MAP3K5: variants seen among roughly 807,000 people sequenced by gnomAD.
MAP3K5 encodes ASK-1.
Under a neutral mutation model 158.7 loss-of-function variants are expected in MAP3K5, and 56 were observed. The observed-to-expected ratio is 0.35, with a 90% CI of 0.28 to 0.44. MAP3K5 has a LOEUF of 0.44. Ranked by LOEUF, MAP3K5 falls within the 20% of genes least tolerant of loss-of-function variation. The probability of loss-of-function intolerance (pLI) is 1.00; values close to 1 mark genes in which losing one functional copy is unlikely to be tolerated. For synonymous variants in MAP3K5, 579 were observed against 601.7 expected, an observed-to-expected ratio of 0.96 and a Z score of 0.55; for missense variants, 1,294 against 1,674.8, an observed-to-expected ratio of 0.77 and a Z score of 3.97.
At chr6:136,739,399 G>A (rs1782618874) in intron 1 of MAP3K5, among the ~76,000 whole-genome samples, 1 of 152,162 alleles carries the variant, frequency 6.6e-6, no homozygotes, top group Non-Finnish European at 1.5e-5. Context: ...TAACAACAAA[G>A]AGGTGTCAAT....
intron 13 of MAP3K5, among the ~76,000 whole-genome samples, chr6:136,637,609 A>G (rs1777702516): frequency 1.3e-5 from 2 of 152,146 alleles, no homozygotes; most frequent in African/African-American, 4.8e-5. Flanking sequence ...GAAATTTCTA[A>G]CCTAATGCCT....
At chr6:136,616,682 T>C (rs1776579048) in intron 15 of MAP3K5, among the ~76,000 whole-genome samples, 1 of 151,602 alleles carries the variant, frequency 6.6e-6, no homozygotes, top group South Asian at 2.1e-4. Context: ...TAAAGAAAAA[T>C]CTGAAACAAT....
chr6:136,760,214 G>C (rs1041439455), intron 1 of MAP3K5, among the ~76,000 whole-genome samples: 1 of 152,122 alleles, frequency 6.6e-6, no homozygotes, highest in Non-Finnish European at 1.5e-5. Flanking sequence ...GCTGTCTCAT[G>C]CTTAAATAGT....
chr6:136,678,788 C>T (rs188315338), intron 7 of MAP3K5, among the ~76,000 whole-genome samples: 51 of 151,526 alleles, frequency 3.4e-4, no homozygotes, highest in Non-Finnish European at 6.6e-4. Flanking sequence ...TGCAATGGCG[C>T]TATCTTGGCT....
intron 7 of MAP3K5, among the ~76,000 whole-genome samples, chr6:136,681,841 C>A (rs1779951467): frequency 6.6e-6 from 1 of 152,116 alleles, no homozygotes; most frequent in Non-Finnish European, 1.5e-5. Flanking sequence ...ATGGCGTGAA[C>A]CTGGGAGGCA....
intron 1 of MAP3K5, among the ~76,000 whole-genome samples, chr6:136,761,246 G>A (rs1299797109): frequency 6.8e-6 from 1 of 147,878 alleles, no homozygotes; most frequent in Non-Finnish European, 1.5e-5. Context: ...TATTACATGT[G>A]AGCACTACGG....
In MAP3K5 at chr6:136,773,734, G is replaced by A. The variant is rs1160352601; in HGVS notation, c.448+17976C>T. ...ACGATCTCAGCTCACTGCAGCCTCTGCCTCCTGGGTTCAAGTGATTCTCAT... is the reference window on the plus strand; with the variant it reads ...ACGATCTCAGCTCACTGCAGCCTCTACCTCCTGGGTTCAAGTGATTCTCAT... On this transcript the variant is annotated intron_variant, in intron 1 of 29. Transcript: ENST00000359015. 2.0e-5 allele frequency among the ~76,000 whole-genome samples: 3 copies of A among 152,106 alleles called. No homozygotes were observed. In the East Asian group the frequency reaches 5.8e-4, roughly 29 times the overall value.
intron 14 of MAP3K5, among the ~76,000 whole-genome samples, chr6:136,631,798 G>A (rs1254569687): frequency 6.6e-6 from 1 of 151,972 alleles, no homozygotes; most frequent in Non-Finnish European, 1.5e-5. Context: ...TCTTTTACTT[G>A]GACACCTGGC....
chr6:136,611,139 GA>G (rs761870390), intron 18 of MAP3K5, 142 bp downstream of exon 18: 29 of 171,338 alleles, frequency 1.7e-4, no homozygotes, highest in East Asian at 4.8e-4. Context: ...AAAAAAGAAA[GA>G]AAAGAAAAGA....
At chr6:136,631,169 G>T (rs749646551) in intron 14 of MAP3K5, among the ~76,000 whole-genome samples, 2 of 152,170 alleles carry the variant, frequency 1.3e-5, no homozygotes, top group Non-Finnish European at 1.5e-5. Flanking sequence ...CAGTTAATTT[G>T]CAGGCCCCTG....
At position 136,792,137 on chromosome 6, in the gene MAP3K5, C is replaced by T; in HGVS notation, c.21G>A (p.Glu7=). The part of the protein sequence containing the change: MSTEAD[E]GITFSVPPFA... ...AGGGTGGCACAGAGAAAGTGATGCCCTCGTCCGCCTCCGTGCTCATCTCTC... is the reference window on the plus strand; with the variant it reads ...AGGGTGGCACAGAGAAAGTGATGCCTTCGTCCGCCTCCGTGCTCATCTCTC... The change falls in exon 1 of 30, where the codon GAG becomes GAA. Residue 7 remains glutamate (E), a synonymous_variant. Coordinates refer to ENST00000359015, the MANE Select transcript of MAP3K5 (RefSeq NM_005923.4). This position sits in a 1 kb window ranked among gnomAD's most constrained non-coding sequence, Gnocchi z 5.7. 1 of 1,574,096 alleles carries T rather than the reference C, an allele frequency of 6.4e-7. No individual in the cohort carries two copies. The highest frequency in any genetic ancestry group is 8.6e-7 in the Non-Finnish European group (1 of 1,162,560).
chr6:136,787,727 C>A (rs1337269369), intron 1 of MAP3K5, among the ~76,000 whole-genome samples: 1 of 152,216 alleles, frequency 6.6e-6, no homozygotes, highest in Non-Finnish European at 1.5e-5. Flanking sequence ...AGAAACACCA[C>A]TGGAGGCAAT....
At chr6:136,735,441 A>T (rs770872163) in intron 1 of MAP3K5, among the ~76,000 whole-genome samples, 5 of 152,242 alleles carry the variant, frequency 3.3e-5, no homozygotes, top group Non-Finnish European at 7.3e-5. Context: ...CAAAATTTTG[A>T]AAACTGACAG....
intron 23 of MAP3K5, among the ~76,000 whole-genome samples, chr6:136,586,305 C>T (rs1399297042): frequency 6.6e-6 from 1 of 152,202 alleles, no homozygotes; most frequent in Non-Finnish European, 1.5e-5. Context: ...TCAGTTGCAA[C>T]ATGTTTGCCA....
intron 14 of MAP3K5, among the ~76,000 whole-genome samples, chr6:136,629,723 A>G (rs9494545): frequency 0.024 from 3,663 of 151,152 alleles, 153 homozygotes; most frequent in African/African-American, 0.083. Flanking sequence ...CAAAGTGCTG[A>G]GATTACAGGT....
chr6:136,598,992 G>A (rs193026872), intron 21 of MAP3K5, among the ~76,000 whole-genome samples: 97 of 152,262 alleles, frequency 6.4e-4, no homozygotes, highest in African/African-American at 1.2e-3. Context: ...CCAACATGGC[G>A]AAACCCCGTC....
chr6:136,568,595 C>T (rs966468686), intron 25 of MAP3K5, among the ~76,000 whole-genome samples: 12 of 152,172 alleles, frequency 7.9e-5, no homozygotes, highest in Non-Finnish European at 5.9e-5. Context: ...GATATTGTGG[C>T]TGGGCACAGT....
At chr6:136,689,705 T>C (rs570719771) in intron 7 of MAP3K5, among the ~76,000 whole-genome samples, 1 of 152,276 alleles carries the variant, frequency 6.6e-6, no homozygotes, top group African/African-American at 2.4e-5. Context: ...CCTTCTGCCA[T>C]GAGTTGATGT....
At chr6:136,712,593 C>T (rs1177815974) in intron 2 of MAP3K5, among the ~76,000 whole-genome samples, 1 of 152,176 alleles carries the variant, frequency 6.6e-6, no homozygotes, top group Non-Finnish European at 1.5e-5. Context: ...GCATGTATTA[C>T]TTTTCTTAAA....
Sources: allele counts gnomAD v4.1 joint callset (sites outside exome capture counted in the v4.1 genomes callset), GRCh38; gene constraint gnomAD v4.1.1; non-coding constraint Gnocchi (gnomAD v3.1); transcripts MANE v1.5; gene names NCBI Gene and HGNC (gene_info 2026-07-23, HGNC 2026-07-21).